The following SUPT20H variants were observed in gnomAD, a reference collection of about 807,000 sequenced individuals.
The protein encoded by SUPT20H is SPT20 homolog, SAGA complex component, also known as transcription factor SPT20 homolog.
SUPT20H carries 82 observed loss-of-function variants against 122.8 expected under a neutral mutation model. That is an observed-to-expected ratio of 0.67 (90% CI 0.56 to 0.80). The LOEUF (loss-of-function observed/expected upper bound fraction) is 0.80, where lower values mean the gene tolerates loss of function less well. Ranked by LOEUF, SUPT20H falls within the 30% of genes least tolerant of loss-of-function variation. The probability of loss-of-function intolerance (pLI) is 0.00; values close to 1 mark genes in which losing one functional copy is unlikely to be tolerated. For synonymous variants in SUPT20H, 291 were observed against 313.0 expected (o/e 0.93, Z 0.74); for missense variants, 831 against 921.6 (o/e 0.90, Z 1.27).
At position 37,031,779 on chromosome 13, in the gene SUPT20H, G is replaced by A. The variant is rs140232567; in HGVS notation, c.824C>T (p.Ala275Val). 4 of 1,608,708 alleles carry A rather than the reference G, an allele frequency of 2.5e-6. No individual in the cohort carries two copies. The African/African-American group carries it at 4.0e-5, about 16-fold the overall frequency. Reference protein sequence around the residue: ...DFLQKRKERKAGQHYDLKISK... With the variant: ...DFLQKRKERKVGQHYDLKISK... ...AATTTTGAGGTCATAATGCTGACCT[G>A]CTTTTCTTTCCTTTCTTTTTTGTAA... is the stretch of plus-strand genomic sequence containing the variant. The change falls in exon 11 of 26, where the codon GCA becomes GTA. Residue 275 changes from alanine (A) to valine (V), a missense_variant. Transcript: ENST00000350612.
intron 24 of SUPT20H, 24 bp downstream of exon 24, chr13:37,012,168 A>G (rs1370671519): frequency 6.5e-7 from 1 of 1,549,826 alleles, no homozygotes; most frequent in South Asian, 1.1e-5. Context: ...TAAATTCAGC[A>G]TATAAAGTTA....
intron 9 of SUPT20H, among the ~76,000 whole-genome samples, chr13:37,036,832 A>C (rs886885453): frequency 1.3e-5 from 2 of 152,156 alleles, no homozygotes; most frequent in African/African-American, 4.8e-5. Flanking sequence ...GGATTTTCTT[A>C]ATAATGTTTT....
chr13:37,028,138 C>A lies in SUPT20H; in HGVS notation c.1151+10G>T. On this transcript the variant is annotated intron_variant, in intron 14 of 25. Coordinates refer to ENST00000350612, the MANE Select transcript of SUPT20H (RefSeq NM_001014286.3). ...TTTTTTTCCAGTTACTTGTATTTAA[C>A]AGAACTCACTGTGATGGAGACATCT... 1 of 1,570,270 alleles carries A rather than the reference C, an allele frequency of 6.4e-7. No individual in the cohort carries two copies. The highest frequency in any genetic ancestry group is 8.6e-7 in the Non-Finnish European group (1 of 1,163,004).
At chr13:37,019,536 T>C (rs986937782) in intron 21 of SUPT20H, 139 bp from the exon 22 acceptor site, 18 of 496,114 alleles carry the variant, frequency 3.6e-5, no homozygotes, top group Non-Finnish European at 6.1e-5. Flanking sequence ...TTCAAAAATA[T>C]CTTAAAAACA....
At chr13:37,046,212 G>A (rs536261778) in intron 5 of SUPT20H, among the ~76,000 whole-genome samples, 1 of 152,036 alleles carries the variant, frequency 6.6e-6, no homozygotes, top group Admixed American at 6.6e-5. Context: ...TAAGCAATCT[G>A]AACATTTTTT....
At chr13:37,048,505 CTG>C in intron 3 of SUPT20H, 57 bp downstream of exon 3, 1 of 1,472,998 alleles carries the variant, frequency 6.8e-7, no homozygotes, top group Non-Finnish European at 9.1e-7. Context: ...TCTCTTAAAA[CTG>C]AGCTTTTGTC....
chr13:37,050,553 TAAAC>T (rs1215496729), intron 2 of SUPT20H, among the ~76,000 whole-genome samples: 5 of 152,100 alleles, frequency 3.3e-5, no homozygotes, highest in African/African-American at 9.7e-5. Context: ...AAAATTATAA[TAAAC>T]AAAATCAAAT....
At chr13:37,051,956 G>A (rs918272645) in intron 1 of SUPT20H, among the ~76,000 whole-genome samples, 1 of 152,046 alleles carries the variant, frequency 6.6e-6, no homozygotes. Context: ...CACTGGGCTT[G>A]ATCACTATCC....
intron 1 of SUPT20H, among the ~76,000 whole-genome samples, chr13:37,057,819 C>G (rs2069501880): frequency 6.6e-6 from 1 of 151,738 alleles, no homozygotes. Flanking sequence ...ACTAAAAACA[C>G]AAAAATCAGC....
At chr13:37,037,465 T>G (rs1213145306) in intron 9 of SUPT20H, among the ~76,000 whole-genome samples, 1 of 152,250 alleles carries the variant, frequency 6.6e-6, no homozygotes, top group African/African-American at 2.4e-5. Context: ...GAGGTATGAC[T>G]ATAATTTGTA....
chr13:37,010,460 G>T (rs1243452574), intron 25 of SUPT20H, 92 bp downstream of exon 25: 1 of 1,154,300 alleles, frequency 8.7e-7, no homozygotes, highest in East Asian at 2.4e-5. Context: ...AGTCTTAAAA[G>T]ACAGTAAAAT....
chr13:37,048,443 G>A (rs1429492393), intron 3 of SUPT20H, 121 bp downstream of exon 3: 4 of 745,774 alleles, frequency 5.4e-6, no homozygotes, highest in Non-Finnish European at 2.1e-6. Flanking sequence ...AAAATGATAT[G>A]CATACTTGTC....
chr13:37,032,914 A>G (rs2063647690), intron 10 of SUPT20H, among the ~76,000 whole-genome samples: 1 of 152,086 alleles, frequency 6.6e-6, no homozygotes, highest in Non-Finnish European at 1.5e-5. Flanking sequence ...CTATGATCAT[A>G]TTTTCTCAAA....
chr13:37,014,065 A>AAAT (rs2060030394), intron 23 of SUPT20H, among the ~76,000 whole-genome samples: 1 of 152,060 alleles, frequency 6.6e-6, no homozygotes, highest in African/African-American at 2.4e-5. Flanking sequence ...AGAAGAAAAC[A>AAAT]AATACTAAGA....
intron 12 of SUPT20H, 93 bp downstream of exon 12, chr13:37,031,470 AAAGT>A (rs2063313396): frequency 1.3e-6 from 1 of 749,688 alleles, no homozygotes; most frequent in East Asian, 2.9e-5. Flanking sequence ...CTTTGTTTTT[AAAGT>A]AAGTTTTTTT....
In SUPT20H at chr13:37,011,451, AG is replaced by A. The variant is rs370624940; in HGVS notation, c.2098+740del. Among the ~76,000 whole-genome samples the A allele has an allele frequency of 3.6e-3, 542 of 152,326 alleles. 2 individuals carry two copies. Among genetic ancestry groups the A allele is most frequent in the South Asian group, 0.015 (71 of 4,832 alleles). On this transcript the variant is annotated intron_variant, in intron 24 of 25. Transcript: ENST00000350612. ...CCAAAATAAAGATTATCATTCTAAA[AG>A]ACTTCTAAAGGCATCATAGTAAGCC... is the stretch of plus-strand genomic sequence containing the variant.
rs1008982646 is a variant in SUPT20H, at chr13:37,026,345, A to G, written c.1179-109T>C. 2.4e-5 allele frequency: 19 copies of G among 801,480 alleles called. No individual in the cohort carries two copies. In the South Asian group the frequency reaches 3.4e-4, roughly 14 times the overall value. The allele number at this position is 801,480 out of a possible 1,614,324, so 49.6% of individuals were successfully genotyped here. A position where few individuals can be genotyped will look rare whatever the true frequency, so the allele number is the denominator to read the frequency against. On this transcript the variant is annotated intron_variant, in intron 15 of 25. Coordinates refer to ENST00000350612, the MANE Select transcript of SUPT20H (RefSeq NM_001014286.3). ...CCATGTTTTAGTCACAGTAATATAA[A>G]CTGGTATTAAATCTACCAAGATATG...
intron 1 of SUPT20H, 53 bp from the exon 2 acceptor site, chr13:37,051,636 A>G (rs2067717045): frequency 7.5e-6 from 4 of 531,536 alleles, no homozygotes; most frequent in African/African-American, 5.8e-5. Flanking sequence ...TATTAAGAGA[A>G]AAAAAAAGAG....
At chr13:37,053,960 C>G (rs1355912602) in intron 1 of SUPT20H, among the ~76,000 whole-genome samples, 6 of 152,134 alleles carry the variant, frequency 3.9e-5, no homozygotes, top group Non-Finnish European at 2.9e-5. Flanking sequence ...CACAGAAATA[C>G]AAACTACCAT....
Sources: allele counts gnomAD v4.1 joint callset (sites outside exome capture counted in the v4.1 genomes callset), GRCh38; gene constraint gnomAD v4.1.1; transcripts MANE v1.5; gene names NCBI Gene and HGNC (gene_info 2026-07-23, HGNC 2026-07-21).